The following PINX1 variants were observed in gnomAD, a reference collection of about 807,000 sequenced individuals.
PINX1 encodes the protein PIN2 (TERF1) interacting telomerase inhibitor 1, also known as PIN2/TERF1-interacting telomerase inhibitor 1.
PINX1 carries 34 observed loss-of-function variants against 25.4 expected under a neutral mutation model. The ratio of observed to expected loss-of-function variants is 1.34; its 90% CI spans 1.02 to 1.78. The LOEUF (loss-of-function observed/expected upper bound fraction) is 1.78. PINX1 is among the 40% of genes most tolerant of loss of function. The pLI is 0.00. For synonymous variants in PINX1, 197 were observed against 147.7 expected (o/e 1.33, Z -2.42); for missense variants, 592 against 404.9 (o/e 1.46, Z -3.97).
chr8:10,819,870 G>A lies in PINX1; in HGVS notation c.471+323C>T, dbSNP rs138785621. On this transcript the variant is annotated intron_variant, in intron 6 of 6. Transcript: ENST00000314787. ...AACAGACAAAATCCCTCCCCTTCTC[G>A]GCCATGGAAGAGATATTTTCCCCTC... Among the ~76,000 whole-genome samples the A allele has an allele frequency of 6.3e-3, 956 of 152,176 alleles. 12 individuals carry two copies. Among genetic ancestry groups the A allele is most frequent in the African/African-American group, 0.022 (913 of 41,516 alleles).
intron 4 of PINX1, among the ~76,000 whole-genome samples, chr8:10,829,440 T>C (rs1283814499): frequency 6.6e-6 from 1 of 152,186 alleles, no homozygotes; most frequent in Non-Finnish European, 1.5e-5. Context: ...TGAGTATCTC[T>C]GCTTGCTTTT....
At chr8:10,810,690 C>A (rs568923337) in intron 6 of PINX1, among the ~76,000 whole-genome samples, 11 of 152,364 alleles carry the variant, frequency 7.2e-5, no homozygotes, top group African/African-American at 2.6e-4. Flanking sequence ...GTGCTCACTA[C>A]TGTGAAGGAA....
intron 4 of PINX1, among the ~76,000 whole-genome samples, chr8:10,827,662 T>C (rs1798097342): frequency 6.6e-6 from 1 of 151,452 alleles, no homozygotes; most frequent in Admixed American, 6.6e-5. Flanking sequence ...ATCCCAGCAC[T>C]TTGGTAGGCC....
At chr8:10,774,666 T>C (rs1054662671) in intron 6 of PINX1, among the ~76,000 whole-genome samples, 2 of 152,230 alleles carry the variant, frequency 1.3e-5, no homozygotes, top group East Asian at 1.9e-4. Flanking sequence ...TAAGTAGTCA[T>C]GATTGTTTAT....
At chr8:10,831,613 A>G (rs1197308707) in intron 4 of PINX1, 52 bp downstream of exon 4, 2 of 1,147,626 alleles carry the variant, frequency 1.7e-6, no homozygotes, top group East Asian at 2.5e-5. Flanking sequence ...CAAAAAACAA[A>G]AAGTAGATAA....
intron 6 of PINX1, among the ~76,000 whole-genome samples, chr8:10,785,493 T>TA (rs1176276275): frequency 6.6e-6 from 1 of 152,184 alleles, no homozygotes; most frequent in East Asian, 1.9e-4. Context: ...TAAATTACTA[T>TA]AAAAAACACT....
chr8:10,835,719 G>A (rs1798386276), intron 1 of PINX1, among the ~76,000 whole-genome samples: 2 of 151,846 alleles, frequency 1.3e-5, no homozygotes, highest in Admixed American at 1.3e-4. Flanking sequence ...GCCCACAGCA[G>A]GCACTCAATA....
chr8:10,791,159 G>A (rs1047681829), intron 6 of PINX1, among the ~76,000 whole-genome samples: 14 of 152,164 alleles, frequency 9.2e-5, no homozygotes, highest in Non-Finnish European at 1.8e-4. Flanking sequence ...TGATCTGCCT[G>A]CCTCAGCCTT....
intron 1 of PINX1, among the ~76,000 whole-genome samples, chr8:10,838,163 C>T (rs77651818): frequency 0.021 from 3,257 of 152,274 alleles, 133 homozygotes; most frequent in African/African-American, 0.074. Context: ...TGAAGGCTGC[C>T]CAATTCTTGA....
At chr8:10,775,356 G>A (rs915993061) in intron 6 of PINX1, among the ~76,000 whole-genome samples, 4 of 146,516 alleles carry the variant, frequency 2.7e-5, no homozygotes, top group Non-Finnish European at 6.0e-5. Flanking sequence ...ATGCCCTCCA[G>A]CATGCTGCTT....
At chr8:10,822,087 G>C (rs940178642) in intron 5 of PINX1, 23 of 152,316 alleles carry the variant, frequency 1.5e-4, no homozygotes, top group African/African-American at 5.3e-4. Context: ...AGTAAATGTA[G>C]AAACCAGGAT....
intron 5 of PINX1, among the ~76,000 whole-genome samples, chr8:10,822,637 C>T (rs111745204): frequency 2.6e-4 from 40 of 152,290 alleles, no homozygotes; most frequent in African/African-American, 9.4e-4. Flanking sequence ...AACATTACTG[C>T]TATAGTCAGA....
At chr8:10,806,716 C>T (rs1802463875) in intron 6 of PINX1, among the ~76,000 whole-genome samples, 1 of 152,110 alleles carries the variant, frequency 6.6e-6, no homozygotes, top group Admixed American at 6.5e-5. Flanking sequence ...AAGGTATAAC[C>T]CCTGGAAAAA....
intron 4 of PINX1, among the ~76,000 whole-genome samples, chr8:10,826,833 G>C (rs1166244601): frequency 1.3e-5 from 2 of 152,242 alleles, no homozygotes; most frequent in Non-Finnish European, 1.5e-5. Context: ...GTTTCGAGGG[G>C]ACAAGGATGA....
chr8:10,794,026 G>C (rs1802006655), intron 6 of PINX1, among the ~76,000 whole-genome samples: 1 of 152,182 alleles, frequency 6.6e-6, no homozygotes, highest in East Asian at 1.9e-4. Context: ...CAAAGATCAG[G>C]AATGTTTTTA....
At chr8:10,837,594 C>A (rs1451017523) in intron 1 of PINX1, among the ~76,000 whole-genome samples, 2 of 152,218 alleles carry the variant, frequency 1.3e-5, no homozygotes, top group African/African-American at 2.4e-5. Context: ...TGCCCTGAAT[C>A]TGCAGAATCA....
intron 5 of PINX1, among the ~76,000 whole-genome samples, chr8:10,822,370 G>A (rs1797904318): frequency 6.6e-6 from 1 of 152,178 alleles, no homozygotes; most frequent in Non-Finnish European, 1.5e-5. Flanking sequence ...AAATACTGTT[G>A]ATAAACTTAG....
chr8:10,834,530 CA>C (rs766747664), intron 2 of PINX1, 135 bp downstream of exon 2: 10 of 1,300,900 alleles, frequency 7.7e-6, no homozygotes, highest in African/African-American at 1.5e-5. Context: ...AAGGTCACAA[CA>C]ATTTTTGATT....
At chr8:10,811,017 C>A (rs1361134497) in intron 6 of PINX1, among the ~76,000 whole-genome samples, 1 of 152,236 alleles carries the variant, frequency 6.6e-6, no homozygotes, top group East Asian at 1.9e-4. Flanking sequence ...CCATTTTAAA[C>A]TGTGAGAGTG....
Sources: gnomAD v4.1 joint callset for allele counts (sites outside exome capture counted in the v4.1 genomes callset) on GRCh38, gnomAD v4.1.1 for gene constraint, MANE v1.5 for transcripts, NCBI Gene and HGNC (gene_info 2026-07-23, HGNC 2026-07-21) for gene names.